The following CFAP20DC variants were observed in gnomAD, a reference collection of about 807,000 sequenced individuals.
CFAP20DC encodes CFAP20 domain containing, also known as protein CFAP20DC.
CFAP20DC carries 84 observed loss-of-function variants against 101.7 expected under a neutral mutation model. The observed-to-expected ratio is 0.83, with a 90% CI of 0.69 to 0.99. The LOEUF is 0.99. Among genes scored for constraint, CFAP20DC ranks in the 50% least tolerant of loss-of-function variants. The pLI, the probability that CFAP20DC is intolerant of heterozygous loss-of-function variation, is 0.00. For synonymous variants in CFAP20DC, 359 were observed against 351.2 expected, an observed-to-expected ratio of 1.02 and a Z score of -0.25; for missense variants, 1,007 against 970.3, an observed-to-expected ratio of 1.04 and a Z score of -0.50.
intron 6 of CFAP20DC, among the ~76,000 whole-genome samples, chr3:58,902,302 A>G (rs1268433678): frequency 6.6e-6 from 1 of 152,164 alleles, no homozygotes; most frequent in Non-Finnish European, 1.5e-5. Flanking sequence ...TCTTTTGGGT[A>G]TATACCTAGG....
intron 4 of CFAP20DC, among the ~76,000 whole-genome samples, chr3:58,946,709 G>A (rs955495908): frequency 2.6e-5 from 4 of 152,152 alleles, no homozygotes; most frequent in Non-Finnish European, 2.9e-5. Context: ...GAGAACATCC[G>A]AATTGGTACA....
chr3:58,986,203 A>G (rs538495897), intron 4 of CFAP20DC, among the ~76,000 whole-genome samples: 1 of 152,344 alleles, frequency 6.6e-6, no homozygotes, highest in South Asian at 2.1e-4. Flanking sequence ...ATTGAGTATC[A>G]GAATAAAGAG....
chr3:58,742,496 A>G lies in CFAP20DC; in HGVS notation c.2409T>C (p.Phe803=), dbSNP rs201663170. 7.0e-5 allele frequency: 113 copies of G among 1,607,672 alleles called. No homozygotes were observed. In the East Asian group the frequency reaches 1.4e-3, roughly 20 times the overall value. ...LLYDPCLNCY[F]DPQTGKYYEL... ...CATAGTATTTCCCTGTTTGGGGGTCAAAGTAACAGTTCAGACAAGGGTCAT... is the reference window on the plus strand; with the variant it reads ...CATAGTATTTCCCTGTTTGGGGGTCGAAGTAACAGTTCAGACAAGGGTCAT... Residue 803 remains phenylalanine, a synonymous_variant, in exon 17 of 17, where the codon TTT becomes TTC. Coordinates refer to ENST00000482387, the MANE Select transcript of CFAP20DC (RefSeq NM_001394063.1).
intron 6 of CFAP20DC, among the ~76,000 whole-genome samples, chr3:58,887,629 C>G (rs1254217169): frequency 1.3e-5 from 2 of 152,192 alleles, no homozygotes; most frequent in African/African-American, 2.4e-5. Flanking sequence ...CAGGGACTAT[C>G]ACAAAACTGC....
intron 4 of CFAP20DC, among the ~76,000 whole-genome samples, chr3:59,003,655 T>A (rs899793838): frequency 6.6e-6 from 1 of 152,148 alleles, no homozygotes; most frequent in Non-Finnish European, 1.5e-5. Context: ...TTTCCAGACA[T>A]GATATGAAAA....
At chr3:58,945,408 T>TC (rs568197935) in intron 4 of CFAP20DC, among the ~76,000 whole-genome samples, 8 of 152,354 alleles carry the variant, frequency 5.3e-5, no homozygotes, top group African/African-American at 1.9e-4. Context: ...TGTGTGTATG[T>TC]GTGTATGAGA....
chr3:59,033,167 G>C (rs2094029429), intron 4 of CFAP20DC, among the ~76,000 whole-genome samples: 1 of 152,106 alleles, frequency 6.6e-6, no homozygotes. Flanking sequence ...CAACAAAAAG[G>C]ATGTCCACAC....
At chr3:58,763,442 A>AT (rs1398591117) in intron 15 of CFAP20DC, among the ~76,000 whole-genome samples, 4 of 148,894 alleles carry the variant, frequency 2.7e-5, no homozygotes, top group African/African-American at 2.5e-5. Context: ...CATTCGTCTA[A>AT]TTTTTTTTCA....
chr3:59,004,217 C>A (rs924565414), intron 4 of CFAP20DC, among the ~76,000 whole-genome samples: 1 of 152,070 alleles, frequency 6.6e-6, no homozygotes, highest in Non-Finnish European at 1.5e-5. Flanking sequence ...TGATGTATAG[C>A]AGGTGTTCAA....
intron 14 of CFAP20DC, among the ~76,000 whole-genome samples, chr3:58,831,113 G>A (rs2076363793): frequency 6.6e-6 from 1 of 152,088 alleles, no homozygotes; most frequent in Non-Finnish European, 1.5e-5. Context: ...TCCTCTGCTG[G>A]GCCATAGTGA....
intron 15 of CFAP20DC, among the ~76,000 whole-genome samples, chr3:58,754,420 C>T (rs1376853828): frequency 6.6e-6 from 1 of 152,166 alleles, no homozygotes; most frequent in South Asian, 2.1e-4. Flanking sequence ...CTACTGCACT[C>T]TTCCCCAGTC....
At chr3:58,751,380 T>C (rs1437229775) in intron 16 of CFAP20DC, among the ~76,000 whole-genome samples, 1 of 152,112 alleles carries the variant, frequency 6.6e-6, no homozygotes, top group Non-Finnish European at 1.5e-5. Context: ...AACATGCAAA[T>C]ACCCAGGCCC....
intron 4 of CFAP20DC, among the ~76,000 whole-genome samples, chr3:59,024,096 A>T (rs1236146950): frequency 6.6e-6 from 1 of 152,146 alleles, no homozygotes; most frequent in Non-Finnish European, 1.5e-5. Context: ...TGGAAATTCT[A>T]AATGTATTAC....
intron 5 of CFAP20DC, among the ~76,000 whole-genome samples, chr3:58,925,160 C>T (rs1013329981): frequency 6.6e-6 from 1 of 151,888 alleles, no homozygotes; most frequent in African/African-American, 2.4e-5. Flanking sequence ...ATGGGGTTTC[C>T]CCACTTTGTA....
At chr3:59,018,747 C>T (rs1478079305) in intron 4 of CFAP20DC, 1 of 152,082 alleles carries the variant, frequency 6.6e-6, no homozygotes, top group Non-Finnish European at 1.5e-5. Flanking sequence ...AACATAATTG[C>T]TATGAAGGAC....
chr3:58,781,711 TAC>T (rs1297671947), intron 15 of CFAP20DC, among the ~76,000 whole-genome samples: 1 of 151,878 alleles, frequency 6.6e-6, no homozygotes, highest in Non-Finnish European at 1.5e-5. Context: ...CCTAAACACA[TAC>T]AAACTATCAA....
At chr3:58,853,659 G>A (rs1410033328) in intron 12 of CFAP20DC, among the ~76,000 whole-genome samples, 2 of 152,072 alleles carry the variant, frequency 1.3e-5, no homozygotes, top group Admixed American at 6.5e-5. Flanking sequence ...CTTCATCCCT[G>A]GGATGCAAGG....
At chr3:58,925,707 A>G (rs1431497386) in intron 5 of CFAP20DC, among the ~76,000 whole-genome samples, 2 of 152,194 alleles carry the variant, frequency 1.3e-5, no homozygotes, top group East Asian at 1.9e-4. Context: ...CTGGTCTATT[A>G]AGCAAGTTCT....
chr3:58,937,874 G>C (rs757371530), intron 4 of CFAP20DC, 112 bp from the exon 5 acceptor site: 1 of 660,818 alleles, frequency 1.5e-6, no homozygotes, highest in Non-Finnish European at 2.6e-6. Flanking sequence ...TCAACAGGAA[G>C]ATCAAACACA....
Sources: gnomAD v4.1 joint callset for allele counts (sites outside exome capture counted in the v4.1 genomes callset) on GRCh38, gnomAD v4.1.1 for gene constraint, MANE v1.5 for transcripts, NCBI Gene and HGNC (gene_info 2026-07-23, HGNC 2026-07-21) for gene names.